The following PKNOX1 variants were observed in gnomAD, a reference collection of about 807,000 sequenced individuals.
The protein encoded by PKNOX1 is PBX/knotted 1 homeobox 1.
A neutral mutation model predicts 51.9 loss-of-function variants in PKNOX1; 15 were observed. The observed-to-expected ratio is 0.29, with a 90% CI of 0.19 to 0.45. The LOEUF is 0.45. Ranked by LOEUF, PKNOX1 falls within the 20% of genes least tolerant of loss-of-function variation. PKNOX1 has a pLI of 1.00. For missense variants in PKNOX1, 462 were observed against 547.5 expected (o/e 0.84, Z 1.56); for synonymous variants, 219 against 211.1 (o/e 1.04, Z -0.32).
chr21:43,014,107 C>T (rs234696), intron 5 of PKNOX1, among the ~76,000 whole-genome samples: 31,375 of 150,054 alleles, frequency 0.21, 3,624 homozygotes, highest in Non-Finnish European at 0.25. Flanking sequence ...CTGCAAACTC[C>T]GCCTCCTGGG....
intron 1 of PKNOX1, among the ~76,000 whole-genome samples, chr21:43,002,857 T>C (rs551371054): frequency 2.0e-5 from 3 of 152,224 alleles, no homozygotes; most frequent in East Asian, 1.9e-4. Flanking sequence ...GCTGGGACTA[T>C]AGGCGCATGC....
At chr21:42,995,948 A>C (rs1978485134) in intron 1 of PKNOX1, among the ~76,000 whole-genome samples, 1 of 152,002 alleles carries the variant, frequency 6.6e-6, no homozygotes, top group African/African-American at 2.4e-5. Flanking sequence ...ACCCTTATTA[A>C]AGTTAGCAAG....
intron 2 of PKNOX1, 88 bp from the exon 3 acceptor site, chr21:43,007,403 C>T (rs757625506): frequency 4.8e-6 from 6 of 1,248,544 alleles, no homozygotes; most frequent in Non-Finnish European, 5.8e-6. Flanking sequence ...TCTGGCAATT[C>T]CCCACTCCAA....
rs1444436422 is a variant in PKNOX1 at position 43,033,491 on chromosome 21, A to G, written c.*3390A>G. ...TCTTTGAAATGTGAATACTGTAACAATATGTTTTCTTGGATTGTTGTCTTT... is the reference window on the plus strand; with the variant it reads ...TCTTTGAAATGTGAATACTGTAACAGTATGTTTTCTTGGATTGTTGTCTTT... On this transcript the variant is annotated 3_prime_UTR_variant, in exon 11 of 11. Transcript: ENST00000291547. The G allele has an allele frequency of 6.6e-6, 1 of 152,656 alleles. No individual in the cohort carries two copies. Among genetic ancestry groups the G allele is most frequent in the African/African-American group, 2.4e-5 (1 of 41,460 alleles). The allele number at this position is 152,656 out of a possible 1,614,324, so 9.5% of individuals were successfully genotyped here. A position where few individuals can be genotyped will look rare whatever the true frequency, so the allele number is the denominator to read the frequency against.
In PKNOX1 at chr21:42,980,052, G is replaced by A. The variant is rs779924174; in HGVS notation, c.-57+5388G>A. Among the ~76,000 whole-genome samples, 11 of 152,112 alleles carry A rather than the reference G, an allele frequency of 7.2e-5. 1 individual carries two copies. Among genetic ancestry groups the A allele is most frequent in the South Asian group, 2.1e-4 (1 of 4,828 alleles). ...TTCCTGTACTCTATATGTAGTTAAC[G>A]TTTCTCTGGCAGTAACTTTAGAAAA... On this transcript the variant is annotated intron_variant, in intron 1 of 10. Transcript: ENST00000291547.
intron 1 of PKNOX1, among the ~76,000 whole-genome samples, chr21:42,978,672 CAG>C (rs1228650642): frequency 4.6e-5 from 7 of 151,134 alleles, no homozygotes; most frequent in African/African-American, 1.2e-4. Context: ...TTAGTAGAGA[CAG>C]GGTTTCGCCG....
intron 7 of PKNOX1, among the ~76,000 whole-genome samples, chr21:43,020,107 T>C (rs528742256): frequency 4.2e-4 from 64 of 152,110 alleles, no homozygotes; most frequent in African/African-American, 1.4e-3. Context: ...AATTTTTAAA[T>C]GTTTTTGTAA....
chr21:43,000,599 G>T (rs986741657), intron 1 of PKNOX1, among the ~76,000 whole-genome samples: 2 of 152,106 alleles, frequency 1.3e-5, no homozygotes, highest in Non-Finnish European at 2.9e-5. Context: ...ATGAGATTTG[G>T]GTGGGGACAC....
chr21:42,983,026 T>A (rs889995318), intron 1 of PKNOX1, among the ~76,000 whole-genome samples: 3 of 152,120 alleles, frequency 2.0e-5, no homozygotes, highest in Admixed American at 1.3e-4. Flanking sequence ...GCCAGGCTGG[T>A]CTCGAACTCC....
chr21:43,020,220 A>G lies in PKNOX1; in HGVS notation c.721-1083A>G, dbSNP rs1360747092. ...AGTACTGGGATTACAGGTGTGAGCC[A>G]CTGTGCCTGGACTAAAGTTAGGTTT... On this transcript the variant is annotated intron_variant, in intron 7 of 10. Transcript: ENST00000291547. 2.0e-5 allele frequency among the ~76,000 whole-genome samples: 3 copies of G among 152,366 alleles called. No homozygotes were observed. In the East Asian group the frequency reaches 5.8e-4, roughly 29 times the overall value.
At chr21:43,007,443 CGTA>C (rs1273142587) in intron 2 of PKNOX1, 45 bp from the exon 3 acceptor site, 5 of 1,588,830 alleles carry the variant, frequency 3.1e-6, no homozygotes, top group Non-Finnish European at 4.3e-6. Flanking sequence ...TGGAATACCT[CGTA>C]GTAGTTTGTG....
intron 3 of PKNOX1, among the ~76,000 whole-genome samples, chr21:43,009,399 C>T (rs1979141308): frequency 6.6e-6 from 1 of 151,988 alleles, no homozygotes; most frequent in Non-Finnish European, 1.5e-5. Context: ...GAACCGAGAT[C>T]ACGCCATTGC....
chr21:43,016,975 A>C lies in PKNOX1; in HGVS notation c.590A>C (p.Gln197Pro). The change falls in exon 6 of 11, where the codon CAG (glutamine) becomes CCG (proline). Residue 197 changes from glutamine (Q) to proline (P), a missense_variant. Coordinates refer to ENST00000291547, the MANE Select transcript of PKNOX1 (RefSeq NM_004571.5). ...QGIVVPASALQQGNVAMATVA... is the reference protein window; with the variant it reads ...QGIVVPASALPQGNVAMATVA... ...ATTGTGGTGCCGGCGTCCGCGCTGC[A>C]GCAGGGAAACGTAGCCATGGCGACG... 2 of 1,613,074 alleles carry C rather than the reference A, an allele frequency of 1.2e-6. No homozygotes were observed. The highest frequency in any genetic ancestry group is 1.7e-6 in the Non-Finnish European group (2 of 1,179,824).
chr21:42,983,337 C>CCTGTCT (rs2059036439), intron 1 of PKNOX1, among the ~76,000 whole-genome samples: 1 of 152,148 alleles, frequency 6.6e-6, no homozygotes, highest in African/African-American at 2.4e-5. Context: ...CATTCTACTT[C>CCTGTCT]CTGTCTCTGA....
At chr21:42,983,103 G>C (rs890404606) in intron 1 of PKNOX1, among the ~76,000 whole-genome samples, 2 of 56,900 alleles carry the variant, frequency 3.5e-5, no homozygotes, top group African/African-American at 1.4e-4. Context: ...AACCACTGTG[G>C]CTGGCCTTTT....
chr21:43,010,012 T>A (rs772312105), intron 3 of PKNOX1, 41 bp from the exon 4 acceptor site: 21 of 1,326,286 alleles, frequency 1.6e-5, no homozygotes, highest in Non-Finnish European at 2.2e-5. Flanking sequence ...CTCACGGAGA[T>A]GTAGAACGTA....
chr21:42,984,777 A>G (rs2059043145), intron 1 of PKNOX1, among the ~76,000 whole-genome samples: 1 of 151,960 alleles, frequency 6.6e-6, no homozygotes, highest in African/African-American at 2.4e-5. Context: ...GTGTTTTGCC[A>G]TCCGAAAGCT....
chr21:43,001,367 C>G (rs1462410638), intron 1 of PKNOX1, among the ~76,000 whole-genome samples: 1 of 152,198 alleles, frequency 6.6e-6, no homozygotes, highest in Non-Finnish European at 1.5e-5. Flanking sequence ...ACAGCCTTCT[C>G]CCTGCAGGCT....
At chr21:42,982,967 G>A (rs1277352843) in intron 1 of PKNOX1, among the ~76,000 whole-genome samples, 3 of 151,656 alleles carry the variant, frequency 2.0e-5, no homozygotes, top group Non-Finnish European at 4.4e-5. Flanking sequence ...CCACCACCAC[G>A]CCTGGCTAAT....
Sources: allele counts gnomAD v4.1 joint callset (sites outside exome capture counted in the v4.1 genomes callset), GRCh38; gene constraint gnomAD v4.1.1; transcripts MANE v1.5; gene names NCBI Gene and HGNC (gene_info 2026-07-23, HGNC 2026-07-21).